Variants in SPAG16 observed in about 807,000 individuals in gnomAD.
The protein encoded by SPAG16 is sperm associated antigen 16.
In SPAG16, 86 loss-of-function variants were observed where a neutral mutation model predicts 80.4. The observed-to-expected ratio is 1.07, with a 90% CI of 0.90 to 1.28. The LOEUF is 1.28. SPAG16 is among the 50% of genes most tolerant of loss of function. The pLI, the probability that SPAG16 is intolerant of heterozygous loss-of-function variation, is 0.00. For missense variants in SPAG16, 870 were observed against 765.3 expected (o/e 1.14, Z -1.61); for synonymous variants, 294 against 265.9 (o/e 1.11, Z -1.03).
At chr2:213,907,523 C>T (rs756100064) in intron 11 of SPAG16, among the ~76,000 whole-genome samples, 1 of 151,738 alleles carries the variant, frequency 6.6e-6, no homozygotes, top group Non-Finnish European at 1.5e-5. Context: ...CTCAGCAATC[C>T]CACTACTGGT....
Position 214,241,891 on chromosome 2 carries a change from A to T in SPAG16, c.1720+92625A>T, listed in dbSNP as rs1041131286. The stretch of plus-strand genomic sequence containing the variant: ...TCATGAGAGAAATGTAAGTTGTATA[A>T]AAAAAAAAAAATTCTGATGGTCAGA... On this transcript the variant is annotated intron_variant, in intron 15 of 15. Transcript: ENST00000331683. Among the ~76,000 whole-genome samples, 75 of 57,058 alleles carry T rather than the reference A, an allele frequency of 1.3e-3. No individual in the cohort carries two copies. In the East Asian group the frequency reaches 0.037, roughly 28 times the overall value. The allele number at this position is 57,058 out of a possible 152,430, so 37.4% of individuals were successfully genotyped here. A position where few individuals can be genotyped will look rare whatever the true frequency, so the allele number is the denominator to read the frequency against.
chr2:213,632,161 C>T (rs1272918104), intron 10 of SPAG16, among the ~76,000 whole-genome samples: 1 of 151,988 alleles, frequency 6.6e-6, no homozygotes. Context: ...TTTGTTTCAT[C>T]AGTTTTTTAC....
intron 15 of SPAG16, among the ~76,000 whole-genome samples, chr2:214,339,320 A>G (rs960269495): frequency 6.6e-6 from 1 of 152,212 alleles, no homozygotes; most frequent in Admixed American, 6.5e-5. Flanking sequence ...TTGTTGGTCT[A>G]TAATCAACCA....
At chr2:213,471,003 T>C (rs2073047796) in intron 9 of SPAG16, among the ~76,000 whole-genome samples, 1 of 152,164 alleles carries the variant, frequency 6.6e-6, no homozygotes, top group South Asian at 2.1e-4. Flanking sequence ...ATCTGGCCAT[T>C]TCTCTATCCA....
intron 15 of SPAG16, among the ~76,000 whole-genome samples, chr2:214,210,095 A>G (rs1487167529): frequency 1.3e-5 from 2 of 152,058 alleles, no homozygotes; most frequent in Non-Finnish European, 2.9e-5. Flanking sequence ...TGTGATTTGT[A>G]TCAGCTGAAA....
intron 9 of SPAG16, among the ~76,000 whole-genome samples, chr2:213,393,877 T>C (rs1434107739): frequency 6.6e-6 from 1 of 152,212 alleles, no homozygotes; most frequent in Non-Finnish European, 1.5e-5. Flanking sequence ...CTTTTTCATA[T>C]GTTAGCTTCT....
chr2:213,689,528 C>CTTTTT (rs397873153), intron 10 of SPAG16, among the ~76,000 whole-genome samples: 5 of 54,234 alleles, frequency 9.2e-5, no homozygotes, highest in African/African-American at 1.6e-4. Flanking sequence ...AGTGCTGGGG[C>CTTTTT]TTTTTTTTTT....
At chr2:214,068,741 C>G (rs1012202678) in intron 13 of SPAG16, among the ~76,000 whole-genome samples, 1 of 152,028 alleles carries the variant, frequency 6.6e-6, no homozygotes, top group Non-Finnish European at 1.5e-5. Context: ...ATCCAAGGAG[C>G]CAGTAAAAAT....
intron 12 of SPAG16, among the ~76,000 whole-genome samples, chr2:213,971,931 TG>T (rs1186750334): frequency 3.3e-5 from 5 of 151,538 alleles, no homozygotes; most frequent in Non-Finnish European, 5.9e-5. Flanking sequence ...TATCTAATTG[TG>T]TGTGTGTGTG....
At chr2:213,323,760 T>C (rs1248416522) in intron 5 of SPAG16, among the ~76,000 whole-genome samples, 1 of 152,044 alleles carries the variant, frequency 6.6e-6, no homozygotes, top group Non-Finnish European at 1.5e-5. Flanking sequence ...GTAAAAAAAA[T>C]ATGGTACATT....
intron 14 of SPAG16, among the ~76,000 whole-genome samples, chr2:214,136,737 T>A (rs2055075314): frequency 6.6e-6 from 1 of 152,222 alleles, no homozygotes. Flanking sequence ...ATTTGCTTTA[T>A]TTGTGCCATT....
chr2:213,943,762 C>A (rs2079316597), intron 12 of SPAG16, among the ~76,000 whole-genome samples: 1 of 152,122 alleles, frequency 6.6e-6, no homozygotes, highest in East Asian at 1.9e-4. Flanking sequence ...AATTCTTAGC[C>A]TATCCATGTT....
chr2:214,042,062 A>G (rs1406694452), intron 13 of SPAG16, among the ~76,000 whole-genome samples: 1 of 145,556 alleles, frequency 6.9e-6, no homozygotes, highest in Non-Finnish European at 1.5e-5. Context: ...AAAACCTATC[A>G]GCTGGAAGTT....
intron 10 of SPAG16, among the ~76,000 whole-genome samples, chr2:213,716,025 G>C (rs1165445208): frequency 6.6e-6 from 1 of 151,738 alleles, no homozygotes; most frequent in African/African-American, 2.4e-5. Flanking sequence ...TTTGTTTAAG[G>C]CCTATAACAA....
intron 13 of SPAG16, among the ~76,000 whole-genome samples, chr2:214,080,642 A>T (rs2051337890): frequency 6.6e-6 from 1 of 151,660 alleles, no homozygotes; most frequent in Non-Finnish European, 1.5e-5. Flanking sequence ...AATAAAAAGA[A>T]AAAAGAAAAA....
rs1054780282 is a variant in SPAG16 at position 214,021,865 on chromosome 2, C to T, written c.1527+7788C>T. ...GTTATTAAATACATGATGTCCTAAC[C>T]GTGTGAAGTTAACAAACATATAACA... On this transcript the variant is annotated intron_variant, in intron 13 of 15. Transcript: ENST00000331683. Among the ~76,000 whole-genome samples the T allele has an allele frequency of 7.2e-5, 11 of 152,146 alleles. No homozygotes were observed. In the South Asian group the frequency reaches 8.3e-4, roughly 11 times the overall value.
chr2:213,829,827 A>T (rs927723885), intron 10 of SPAG16, among the ~76,000 whole-genome samples: 2 of 152,122 alleles, frequency 1.3e-5, no homozygotes, highest in African/African-American at 4.8e-5. Flanking sequence ...TAAGGGCCTC[A>T]TGACTTTACC....
chr2:214,083,538 T>A (rs182635390), intron 13 of SPAG16, among the ~76,000 whole-genome samples: 1 of 152,028 alleles, frequency 6.6e-6, no homozygotes, highest in East Asian at 2.0e-4. Context: ...GTGATTCCAG[T>A]GATTTTCTTA....
chr2:214,045,301 C>A lies in SPAG16; in HGVS notation c.1527+31224C>A, dbSNP rs959395062. On this transcript the variant is annotated intron_variant, in intron 13 of 15. Coordinates refer to ENST00000331683, the MANE Select transcript of SPAG16 (RefSeq NM_024532.5). ...AGATATACCCTGGGCCAGAAGGGAA[C>A]CTGTTGCCCTGAAGGGAAAGACCCA... Among the ~76,000 whole-genome samples the A allele has an allele frequency of 2.7e-4, 41 of 152,312 alleles. 1 individual carries two copies. Among genetic ancestry groups the A allele is most frequent in the Admixed American group, 5.9e-4 (9 of 15,292 alleles).
Sources: gnomAD v4.1 joint callset for allele counts (sites outside exome capture counted in the v4.1 genomes callset) on GRCh38, gnomAD v4.1.1 for gene constraint, MANE v1.5 for transcripts, NCBI Gene and HGNC (gene_info 2026-07-23, HGNC 2026-07-21) for gene names.